The following CFAP299 variants were observed in gnomAD, a reference collection of about 807,000 sequenced individuals.
CFAP299 encodes the protein cilia and flagella associated protein 299.
Under a neutral mutation model 27.0 loss-of-function variants are expected in CFAP299, and 21 were observed. The ratio of observed to expected loss-of-function variants is 0.78; its 90% CI spans 0.55 to 1.12. The LOEUF is 1.12. Ranked by LOEUF, CFAP299 falls within the 50% of genes most tolerant of loss-of-function variation. The pLI, the probability that CFAP299 is intolerant of heterozygous loss-of-function variation, is 0.00. For missense variants in CFAP299, 310 were observed against 276.6 expected, an observed-to-expected ratio of 1.12 and a Z score of -0.86; for synonymous variants, 104 against 98.1, an observed-to-expected ratio of 1.06 and a Z score of -0.36.
chr4:80,939,921 G>T (rs1441629755), intron 4 of CFAP299, among the ~76,000 whole-genome samples: 2 of 152,102 alleles, frequency 1.3e-5, no homozygotes, highest in African/African-American at 4.8e-5. Flanking sequence ...ATCCTGTTAA[G>T]TCAAGCCAGG....
chr4:80,830,241 C>T (rs577278048), intron 3 of CFAP299, among the ~76,000 whole-genome samples: 87 of 152,070 alleles, frequency 5.7e-4, no homozygotes, highest in Middle Eastern at 3.4e-3. Context: ...GATCCCCATA[C>T]CTCAGTATGA....
chr4:80,394,988 G>A lies in CFAP299; in HGVS notation c.242+32104G>A, dbSNP rs546940143. On this transcript the variant is annotated intron_variant, in intron 2 of 5. Coordinates refer to ENST00000358105, the MANE Select transcript of CFAP299 (RefSeq NM_152770.3). ...TTCCATTGGAATTTTGAGAAAGTTT[G>A]TATAGAATTTGTGGATTAAGTTGGA... Among the ~76,000 whole-genome samples the A allele has an allele frequency of 6.6e-5, 10 of 152,104 alleles. No homozygotes were observed. In the South Asian group the frequency reaches 1.5e-3, roughly 22 times the overall value.
intron 3 of CFAP299, among the ~76,000 whole-genome samples, chr4:80,819,780 G>GA (rs1310065802): frequency 1.3e-5 from 2 of 151,946 alleles, no homozygotes; most frequent in African/African-American, 4.8e-5. Flanking sequence ...ATATAAGACT[G>GA]AAAAAACAGT....
intron 3 of CFAP299, among the ~76,000 whole-genome samples, chr4:80,800,896 A>G (rs1055634932): frequency 2.7e-5 from 4 of 149,954 alleles, no homozygotes; most frequent in Admixed American, 1.4e-4. Context: ...CTGAGTCCCA[A>G]AACTGAAGAA....
chr4:80,948,465 A>G (rs1737588424), intron 5 of CFAP299, among the ~76,000 whole-genome samples: 1 of 152,038 alleles, frequency 6.6e-6, no homozygotes, highest in South Asian at 2.1e-4. Flanking sequence ...TTTCCAGTGT[A>G]TTATCTTTAG....
At chr4:80,457,757 A>T (rs1381313121) in intron 2 of CFAP299, among the ~76,000 whole-genome samples, 1 of 152,158 alleles carries the variant, frequency 6.6e-6, no homozygotes, top group Non-Finnish European at 1.5e-5. Context: ...CGTTTGCTGT[A>T]ACTGAAACTA....
intron 3 of CFAP299, among the ~76,000 whole-genome samples, chr4:80,709,841 T>G (rs1399158726): frequency 6.6e-6 from 1 of 152,224 alleles, no homozygotes; most frequent in Non-Finnish European, 1.5e-5. Flanking sequence ...TTTCAGCCAA[T>G]GAATAATGGG....
chr4:80,438,494 G>A (rs750769898), intron 2 of CFAP299, among the ~76,000 whole-genome samples: 2 of 152,112 alleles, frequency 1.3e-5, no homozygotes, highest in Non-Finnish European at 2.9e-5. Flanking sequence ...GAGGATTAAG[G>A]TTGTCTGATT....
At chr4:80,784,978 T>C (rs945456490) in intron 3 of CFAP299, among the ~76,000 whole-genome samples, 1 of 152,196 alleles carries the variant, frequency 6.6e-6, no homozygotes, top group Non-Finnish European at 1.5e-5. Context: ...TTGCAAATAT[T>C]TTTCCCAGTC....
intron 4 of CFAP299, chr4:80,870,707 T>A: frequency 2.0e-6 from 2 of 985,492 alleles, no homozygotes; most frequent in Non-Finnish European, 2.4e-6. Context: ...CTAAATAGCA[T>A]GCAAGCTAAA....
intron 2 of CFAP299, among the ~76,000 whole-genome samples, chr4:80,501,579 T>G (rs1308819808): frequency 6.7e-6 from 1 of 149,148 alleles, no homozygotes; most frequent in Non-Finnish European, 1.5e-5. Flanking sequence ...TATAGAAATA[T>G]CTATAAATTG....
intron 3 of CFAP299, among the ~76,000 whole-genome samples, chr4:80,785,138 ATG>A (rs1255959451): frequency 7.7e-6 from 1 of 130,402 alleles, no homozygotes; most frequent in Non-Finnish European, 1.6e-5. Context: ...CTCTTCCTCT[ATG>A]TTTTTTTTTT....
intron 3 of CFAP299, among the ~76,000 whole-genome samples, chr4:80,785,413 C>A (rs1273711777): frequency 6.6e-6 from 1 of 152,130 alleles, no homozygotes; most frequent in Admixed American, 6.6e-5. Flanking sequence ...GTCTATAATT[C>A]TTCTTCCAGA....
intron 2 of CFAP299, among the ~76,000 whole-genome samples, chr4:80,536,322 A>G (rs1221232695): frequency 1.3e-5 from 2 of 152,186 alleles, no homozygotes; most frequent in Admixed American, 6.5e-5. Context: ...ATATGCTCTG[A>G]TTTAATAAAT....
intron 3 of CFAP299, among the ~76,000 whole-genome samples, chr4:80,693,858 G>C (rs1280024005): frequency 6.6e-6 from 1 of 151,270 alleles, no homozygotes; most frequent in Non-Finnish European, 1.5e-5. Flanking sequence ...AAAAAACACA[G>C]AGCATTAGCT....
At position 80,380,714 on chromosome 4, in the gene CFAP299, C is replaced by T. The variant is rs531410602; in HGVS notation, c.242+17830C>T. ...AAAGTACTGGGATTACAGGTGTGAG[C>T]CACCATGCCTTGACTCATTTTTGTT... On this transcript the variant is annotated intron_variant, in intron 2 of 5. Coordinates refer to ENST00000358105, the MANE Select transcript of CFAP299 (RefSeq NM_152770.3). Among the ~76,000 whole-genome samples, 16 of 152,244 alleles carry T rather than the reference C, an allele frequency of 1.1e-4. No individual in the cohort carries two copies. In the East Asian group the frequency reaches 2.9e-3, roughly 28 times the overall value.
rs57853956 is a variant in CFAP299, at chr4:80,910,713, C to T, written c.477-34097C>T. Among the ~76,000 whole-genome samples, 1,201 of 152,130 alleles carry T rather than the reference C, an allele frequency of 7.9e-3. 4 individuals are homozygous for T. The highest frequency in any genetic ancestry group is 0.014 in the African/African-American group (582 of 41,538). ...AGCAGAAAAAAATGACTATTTAGTA[C>T]TAAGCTTAGTACCTGTATGACAATC... On this transcript the variant is annotated intron_variant, in intron 4 of 5. Coordinates refer to ENST00000358105, the MANE Select transcript of CFAP299 (RefSeq NM_152770.3).
chr4:80,479,292 A>C (rs1251850372), intron 2 of CFAP299, among the ~76,000 whole-genome samples: 1 of 152,050 alleles, frequency 6.6e-6, no homozygotes, highest in African/African-American at 2.4e-5. Flanking sequence ...GAAGATTTTG[A>C]AAATAATTAA....
chr4:80,851,704 T>C (rs910193866), intron 3 of CFAP299, among the ~76,000 whole-genome samples: 7 of 152,104 alleles, frequency 4.6e-5, no homozygotes, highest in African/African-American at 1.7e-4. Flanking sequence ...AATAGTAATT[T>C]GAGTATGAAA....
Sources: gnomAD v4.1 joint callset for allele counts (sites outside exome capture counted in the v4.1 genomes callset) on GRCh38, gnomAD v4.1.1 for gene constraint, MANE v1.5 for transcripts, NCBI Gene and HGNC (gene_info 2026-07-23, HGNC 2026-07-21) for gene names.